The following ROBO1 variants were observed in gnomAD, a reference collection of about 807,000 sequenced individuals.
ROBO1 encodes roundabout homolog 1.
Under a neutral mutation model 195.9 loss-of-function variants are expected in ROBO1, and 149 were observed. The ratio of observed to expected loss-of-function variants is 0.76; its 90% CI spans 0.67 to 0.87. The LOEUF (loss-of-function observed/expected upper bound fraction) is 0.87. Ranked by LOEUF, ROBO1 falls within the 40% of genes least tolerant of loss-of-function variation. ROBO1 has a pLI of 0.00. For missense variants in ROBO1, 1,933 were observed against 2,068.3 expected (o/e 0.93, Z 1.27); for synonymous variants, 816 against 733.2 (o/e 1.11, Z -1.82).
At chr3:79,644,318 T>C (rs1316606740) in intron 1 of ROBO1, among the ~76,000 whole-genome samples, 2 of 152,066 alleles carry the variant, frequency 1.3e-5, no homozygotes, top group African/African-American at 2.4e-5. Context: ...AAAATGAACA[T>C]AGAAAGAGCA....
At chr3:78,930,237 C>T (rs771529356) in intron 4 of ROBO1, among the ~76,000 whole-genome samples, 7 of 152,168 alleles carry the variant, frequency 4.6e-5, no homozygotes, top group Non-Finnish European at 1.0e-4. Context: ...GTTCATCACA[C>T]AGGAAGTAAA....
At chr3:79,715,735 T>A (rs374771522) in intron 1 of ROBO1, among the ~76,000 whole-genome samples, 18 of 152,244 alleles carry the variant, frequency 1.2e-4, no homozygotes, top group Admixed American at 3.9e-4. Flanking sequence ...GTATTTGTGC[T>A]CGGCTTTTAT....
At chr3:78,644,763 G>A (rs767401515) in intron 21 of ROBO1, among the ~76,000 whole-genome samples, 10 of 151,936 alleles carry the variant, frequency 6.6e-5, no homozygotes, top group Admixed American at 1.3e-4. Context: ...TTCTTTTAGA[G>A]TAGGAACCAA....
At chr3:79,472,401 T>C (rs946793686) in intron 2 of ROBO1, among the ~76,000 whole-genome samples, 7 of 152,092 alleles carry the variant, frequency 4.6e-5, no homozygotes, top group African/African-American at 1.7e-4. Context: ...TATCCAATAA[T>C]AAATATGACT....
intron 1 of ROBO1, among the ~76,000 whole-genome samples, chr3:79,649,742 G>C (rs1945944392): frequency 1.3e-5 from 2 of 152,050 alleles, no homozygotes; most frequent in Admixed American, 1.3e-4. Context: ...AGTCTGACTA[G>C]ACTAGGCGGG....
At chr3:78,667,010 C>T (rs1252109578) in intron 14 of ROBO1, among the ~76,000 whole-genome samples, 2 of 151,988 alleles carry the variant, frequency 1.3e-5, no homozygotes, top group Non-Finnish European at 2.9e-5. Context: ...AAAACAAGCA[C>T]ATTTTATTTA....
chr3:78,767,024 A>G (rs187512040), intron 4 of ROBO1, among the ~76,000 whole-genome samples: 71 of 152,262 alleles, frequency 4.7e-4, no homozygotes, highest in Admixed American at 7.8e-4. Context: ...GTTAGCTACA[A>G]TTTTGTTAAG....
intron 1 of ROBO1, among the ~76,000 whole-genome samples, chr3:79,642,130 G>T (rs1322936871): frequency 6.6e-6 from 1 of 152,108 alleles, no homozygotes; most frequent in Non-Finnish European, 1.5e-5. Flanking sequence ...TAAATTTGCT[G>T]AGCTGAAAAG....
intron 1 of ROBO1, among the ~76,000 whole-genome samples, chr3:79,646,468 T>C (rs1212468973): frequency 6.6e-6 from 1 of 152,102 alleles, no homozygotes; most frequent in East Asian, 1.9e-4. Context: ...GAATGTAAAT[T>C]AGAACAATTA....
rs761586528 is a variant in ROBO1, at chr3:78,627,328, C to T, written c.3868G>A (p.Asp1290Asn). 13 of 1,611,632 alleles carry T rather than the reference C, an allele frequency of 8.1e-6. No homozygotes were observed. The highest frequency in any genetic ancestry group is 1.7e-4 in the Middle Eastern group (1 of 6,046). ...EETGHMQHQP[D>N]RRRQPVSPPP... ...AGGCTAGTGACAACATACCTCCTGT[C>T]GGGCTGGTGCTGCATGTGGCCAGTC... is the stretch of plus-strand genomic sequence containing the variant. Residue 1290 changes from aspartate to asparagine, a missense_variant, in exon 26 of 31, where the codon GAC becomes AAC. Asp to Asn is a conservative substitution (Grantham distance 23). Transcript: ENST00000464233.
chr3:79,645,590 CA>C (rs1327988632), intron 1 of ROBO1, among the ~76,000 whole-genome samples: 6 of 151,994 alleles, frequency 3.9e-5, no homozygotes, highest in Admixed American at 6.6e-5. Context: ...ATCAAAATAC[CA>C]ATGACATTCT....
intron 1 of ROBO1, among the ~76,000 whole-genome samples, chr3:79,625,437 A>AAAAAAAAAAAAAC: frequency 6.9e-6 from 1 of 145,504 alleles, no homozygotes; most frequent in Non-Finnish European, 1.5e-5. Flanking sequence ...AAAAAAAAAA[A>AAAAAAAAAAAAAC]AAAAAAAGCA....
chr3:78,810,306 G>A (rs1306409658), intron 4 of ROBO1, among the ~76,000 whole-genome samples: 1 of 152,148 alleles, frequency 6.6e-6, no homozygotes, highest in African/African-American at 2.4e-5. Flanking sequence ...AACAACTGCA[G>A]CATTCATTTC....
chr3:78,910,450 G>A (rs388421), intron 4 of ROBO1, among the ~76,000 whole-genome samples: 64,763 of 151,638 alleles, frequency 0.43, 15,686 homozygotes, highest in African/African-American at 0.67. Flanking sequence ...ATGTTTTACT[G>A]TTTCTAATCC....
At chr3:78,791,402 TTC>T (rs1042635620) in intron 4 of ROBO1, among the ~76,000 whole-genome samples, 1 of 152,104 alleles carries the variant, frequency 6.6e-6, no homozygotes, top group Non-Finnish European at 1.5e-5. Context: ...CAACAAAATC[TTC>T]TCTCTCATAA....
At chr3:79,182,782 C>G (rs900351348) in intron 2 of ROBO1, among the ~76,000 whole-genome samples, 1 of 152,026 alleles carries the variant, frequency 6.6e-6, no homozygotes, top group Non-Finnish European at 1.5e-5. Flanking sequence ...CTAACTGGTA[C>G]CAGTTAAGAT....
At chr3:79,412,460 T>C (rs1229032157) in intron 2 of ROBO1, among the ~76,000 whole-genome samples, 1 of 152,166 alleles carries the variant, frequency 6.6e-6, no homozygotes, top group Non-Finnish European at 1.5e-5. Context: ...TTGACAAAAT[T>C]GAATATTTAA....
intron 4 of ROBO1, among the ~76,000 whole-genome samples, chr3:78,880,499 A>G (rs1191989977): frequency 6.6e-6 from 1 of 152,206 alleles, no homozygotes; most frequent in Non-Finnish European, 1.5e-5. Flanking sequence ...TTAACATGGT[A>G]ATAATAATAA....
At chr3:79,145,529 A>G (rs2080630442) in intron 2 of ROBO1, among the ~76,000 whole-genome samples, 1 of 151,990 alleles carries the variant, frequency 6.6e-6, no homozygotes, top group South Asian at 2.1e-4. Context: ...TATATTTACT[A>G]TACTTGAAAA....
Sources: gnomAD v4.1 joint callset for allele counts (sites outside exome capture counted in the v4.1 genomes callset) on GRCh38, gnomAD v4.1.1 for gene constraint, MANE v1.5 for transcripts, NCBI Gene and HGNC (gene_info 2026-07-23, HGNC 2026-07-21) for gene names.